The following UNC13C variants were observed in gnomAD, a reference collection of about 807,000 sequenced individuals.
UNC13C encodes protein unc-13 homolog C.
In UNC13C, 174 loss-of-function variants were observed where a neutral mutation model predicts 245.4. That is an observed-to-expected ratio of 0.71 (90% CI 0.63 to 0.80). The LOEUF (loss-of-function observed/expected upper bound fraction) is 0.80. UNC13C is among the 30% of genes least tolerant of loss of function. The pLI, the probability that UNC13C is intolerant of heterozygous loss-of-function variation, is 0.00. For missense variants in UNC13C, 2,829 were observed against 2,602.9 expected, an observed-to-expected ratio of 1.09 and a Z score of -1.89; for synonymous variants, 992 against 895.1, an observed-to-expected ratio of 1.11 and a Z score of -1.93.
At chr15:54,495,481 A>G in intron 20 of UNC13C, among the ~76,000 whole-genome samples, 1 of 152,114 alleles carries the variant, frequency 6.6e-6, no homozygotes, top group East Asian at 1.9e-4. Context: ...ACTCCACACA[A>G]TATTTATAGA....
intron 19 of UNC13C, among the ~76,000 whole-genome samples, chr15:54,492,540 ACTTAACATAGTTCT>A (rs1251894309): frequency 6.6e-6 from 1 of 152,218 alleles, no homozygotes; most frequent in Non-Finnish European, 1.5e-5. Context: ...ATTATTTAAT[ACTTAACATAGTTCT>A]CAGCCATTAT....
At chr15:54,490,310 A>G (rs1228128569) in intron 19 of UNC13C, among the ~76,000 whole-genome samples, 1 of 152,144 alleles carries the variant, frequency 6.6e-6, no homozygotes. Flanking sequence ...CCTTTCCCAT[A>G]TCCATCCTCA....
chr15:54,212,213 T>A (rs1038148031), intron 4 of UNC13C, among the ~76,000 whole-genome samples: 1 of 152,100 alleles, frequency 6.6e-6, no homozygotes. Context: ...GGTAAGTAGC[T>A]AAGCTTTCAT....
chr15:54,149,223 C>G (rs1009025489), intron 4 of UNC13C, among the ~76,000 whole-genome samples: 1 of 152,146 alleles, frequency 6.6e-6, no homozygotes, highest in African/African-American at 2.4e-5. Flanking sequence ...GTCAGTTAAA[C>G]CTCTTTTCTT....
the UNC13C span, among the ~76,000 whole-genome samples, chr15:53,855,981 C>T: frequency 3.3e-5 from 5 of 152,140 alleles, no homozygotes; most frequent in East Asian, 1.9e-4. Context: ...TGTTATTGGT[C>T]CATTCAGGAA....
intron 1 of UNC13C, among the ~76,000 whole-genome samples, chr15:53,992,814 T>C (rs1339943949): frequency 6.6e-6 from 1 of 152,102 alleles, no homozygotes; most frequent in Non-Finnish European, 1.5e-5. Flanking sequence ...TTAATCACTC[T>C]TCACTTTTGT....
chr15:54,558,755 A>G (rs916006467), intron 29 of UNC13C, among the ~76,000 whole-genome samples: 1 of 152,000 alleles, frequency 6.6e-6, no homozygotes, highest in African/African-American at 2.4e-5. Context: ...TTTACCCGGA[A>G]AAGCAACCAA....
chr15:54,054,810 A>AT (rs144008790), intron 2 of UNC13C, among the ~76,000 whole-genome samples: 19,581 of 151,086 alleles, frequency 0.13, 1,660 homozygotes, highest in East Asian at 0.32. Context: ...TTTTGTTTTT[A>AT]TTTTTTTTTG....
At chr15:54,455,959 G>T (rs756593654) in intron 19 of UNC13C, among the ~76,000 whole-genome samples, 105 of 152,128 alleles carry the variant, frequency 6.9e-4, no homozygotes, top group Non-Finnish European at 1.4e-3. Flanking sequence ...TTGTCTCAAA[G>T]ACTTTTTCTG....
chr15:54,459,298 C>T (rs984877651), intron 19 of UNC13C, among the ~76,000 whole-genome samples: 4 of 152,076 alleles, frequency 2.6e-5, no homozygotes, highest in African/African-American at 9.7e-5. Flanking sequence ...TATAGGTTAC[C>T]TGATGCTTTT....
the UNC13C span, among the ~76,000 whole-genome samples, chr15:53,916,042 T>A: frequency 2.6e-5 from 4 of 152,236 alleles, no homozygotes; most frequent in Non-Finnish European, 5.9e-5. Flanking sequence ...ATTTCCTGTA[T>A]TTTTGAAATA....
At chr15:54,022,302 T>C (rs901389732) in intron 2 of UNC13C, among the ~76,000 whole-genome samples, 1 of 152,116 alleles carries the variant, frequency 6.6e-6, no homozygotes, top group African/African-American at 2.4e-5. Context: ...TATCACACTG[T>C]GGTTTTTTGG....
Position 54,296,153 on chromosome 15 carries a change from C to T in UNC13C, c.3989-1658C>T, listed in dbSNP as rs1264410912. ...GAAAGAGGTGTGTGACCAAAAAAGA[C>T]CCTAGGTCTTGCATTTCTCTTGGCC... On this transcript the variant is annotated intron_variant, in intron 11 of 32. Coordinates refer to ENST00000260323, the MANE Select transcript of UNC13C (RefSeq NM_001080534.3). Among the ~76,000 whole-genome samples, 12 of 152,050 alleles carry T rather than the reference C, an allele frequency of 7.9e-5. 1 individual carries two copies. The highest frequency in any genetic ancestry group is 7.9e-4 in the Admixed American group (12 of 15,266).
intron 19 of UNC13C, among the ~76,000 whole-genome samples, chr15:54,465,493 C>T (rs1387830650): frequency 6.6e-6 from 1 of 151,950 alleles, no homozygotes; most frequent in Non-Finnish European, 1.5e-5. Flanking sequence ...TAGTATAACT[C>T]CCTACTGAGT....
chr15:54,289,119 CAG>C (rs1266369036), intron 10 of UNC13C, among the ~76,000 whole-genome samples: 1 of 152,018 alleles, frequency 6.6e-6, no homozygotes, highest in Non-Finnish European at 1.5e-5. Context: ...CTCAACCCTG[CAG>C]AGTTCCAAAT....
chr15:54,182,495 G>A (rs575352389), intron 4 of UNC13C, among the ~76,000 whole-genome samples: 25 of 152,074 alleles, frequency 1.6e-4, no homozygotes, highest in East Asian at 7.7e-4. Context: ...TCTTTGCCAG[G>A]TTTTGGTATC....
At chr15:53,950,771 C>G in the UNC13C span, among the ~76,000 whole-genome samples, 1 of 152,038 alleles carries the variant, frequency 6.6e-6, no homozygotes, top group Admixed American at 6.5e-5. Flanking sequence ...GCTGAGAGAG[C>G]AAGCTCAGGG....
intron 15 of UNC13C, among the ~76,000 whole-genome samples, chr15:54,333,041 C>T (rs148807453): frequency 9.2e-5 from 14 of 151,996 alleles, no homozygotes; most frequent in African/African-American, 2.9e-4. Context: ...CCTCATTCAC[C>T]ACCTCATCAT....
At chr15:54,121,741 A>G (rs2030681487) in intron 2 of UNC13C, among the ~76,000 whole-genome samples, 1 of 151,942 alleles carries the variant, frequency 6.6e-6, no homozygotes, top group South Asian at 2.1e-4. Context: ...TAATTTTTAG[A>G]AGACTGTATC....
Sources: allele counts gnomAD v4.1 joint callset (sites outside exome capture counted in the v4.1 genomes callset), GRCh38; gene constraint gnomAD v4.1.1; transcripts MANE v1.5; gene names NCBI Gene and HGNC (gene_info 2026-07-23, HGNC 2026-07-21).